NRAP: variants seen among roughly 807,000 people sequenced by gnomAD.
NRAP encodes the protein nebulin-related-anchoring protein.
In NRAP, 189 loss-of-function variants were observed where a neutral mutation model predicts 225.9. The observed-to-expected ratio is 0.84, with a 90% CI of 0.74 to 0.94. The LOEUF (loss-of-function observed/expected upper bound fraction) is 0.94, where lower values mean the gene tolerates loss of function less well. Among genes scored for constraint, NRAP ranks in the 40% least tolerant of loss-of-function variants. The pLI is 0.00. For missense variants in NRAP, 2,176 were observed against 2,168.7 expected (o/e 1.00, Z -0.07); for synonymous variants, 769 against 790.7 (o/e 0.97, Z 0.46).
At chr10:113,647,152 TC>T in intron 9 of NRAP, 125 bp from the exon 10 acceptor site, 1 of 686,174 alleles carries the variant, frequency 1.5e-6, no homozygotes. Flanking sequence ...TTCACTGATG[TC>T]CATGTGGTAG....
Position 113,644,154 on chromosome 10 carries a change from A to AAAAAAAAG in NRAP, c.1111-1117_1111-1116insCTTTTTTT, listed in dbSNP as rs1215915037. The stretch of plus-strand genomic sequence containing the variant: ...AAGAGTGAAACTCCCTCTCAAAAAA[A>AAAAAAAAG]AAAAAAAAAAAAAAAGGCCAAAATG... On this transcript the variant is annotated intron_variant, in intron 11 of 41. Coordinates refer to ENST00000359988, the MANE Select transcript of NRAP (RefSeq NM_198060.4). Among the ~76,000 whole-genome samples, 693 of 147,054 alleles carry AAAAAAAAG rather than the reference A, an allele frequency of 4.7e-3. 12 individuals carry two copies. The highest frequency in any genetic ancestry group is 0.015 in the Middle Eastern group (4 of 274).
intron 20 of NRAP, among the ~76,000 whole-genome samples, chr10:113,627,340 C>A (rs1831877382): frequency 6.6e-6 from 1 of 152,180 alleles, no homozygotes; most frequent in South Asian, 2.1e-4. Flanking sequence ...CTACTCCGTA[C>A]AGAGCACAGA....
At chr10:113,658,301 T>A (rs1850437019) in intron 3 of NRAP, among the ~76,000 whole-genome samples, 1 of 152,166 alleles carries the variant, frequency 6.6e-6, no homozygotes, top group South Asian at 2.1e-4. Flanking sequence ...TCCTTCAAAT[T>A]TGTTCTTCAA....
At chr10:113,632,222 G>C (rs1848619038) in intron 16 of NRAP, among the ~76,000 whole-genome samples, 1 of 152,200 alleles carries the variant, frequency 6.6e-6, no homozygotes, top group Non-Finnish European at 1.5e-5. Flanking sequence ...CTGATCATGT[G>C]ACCTTGGCCA....
chr10:113,645,851 G>A lies in NRAP; in HGVS notation c.1084C>T (p.Gln362Ter). The change falls in exon 11 of 42, where the codon CAG becomes TAG. Residue 362 changes from glutamine to a stop codon, truncating the protein, a stop_gained. Transcript: ENST00000359988. LOFTEE classifies it high-confidence loss of function. ...AQDNLVLKQAQSVNKLVSEVE... is the reference protein window; with the variant it reads ...AQDNLVLKQA ...TCACTCACGAGTTTGTTTACGCTCT[G>A]AGCCTGTTTGAGAACCAAGTTGTCT... 1 of 1,605,662 alleles carries A rather than the reference G, an allele frequency of 6.2e-7. No homozygotes were observed. The highest frequency in any genetic ancestry group is 8.5e-7 in the Non-Finnish European group (1 of 1,173,398).
At position 113,589,695 on chromosome 10, in the gene NRAP, C is replaced by G; in HGVS notation, c.5059G>C (p.Ala1687Pro). The G allele has an allele frequency of 6.2e-7, 1 of 1,614,082 alleles. No individual in the cohort carries two copies. The highest frequency in any genetic ancestry group is 8.5e-7 in the Non-Finnish European group (1 of 1,180,018). The change falls in exon 41 of 42, where the codon GCA becomes CCA. Residue 1687 changes from alanine to proline, a missense_variant. Physicochemically the swap from Ala to Pro is conservative, Grantham distance 27. Around this residue, in one of 3 missense-constraint regions of NRAP, gnomAD observed 445 missense variants for 426.1 expected, o/e 1.04. Transcript: ENST00000359988. ...GCTCCCTGGAGACCCAGGCCCCTTG[C>G]GTTGGCCAGTTCCGCAGCCCGCCGA... is the stretch of plus-strand genomic sequence containing the variant. ...MARRAAELAN[A>P]RGLGLQGAYR... is the part of the protein sequence containing the mutation.
At chr10:113,609,336 A>T (rs1847188419) in intron 31 of NRAP, among the ~76,000 whole-genome samples, 1 of 152,168 alleles carries the variant, frequency 6.6e-6, no homozygotes, top group African/African-American at 2.4e-5. Context: ...CTTGCTTTAG[A>T]GATTTCTCTG....
intron 30 of NRAP, among the ~76,000 whole-genome samples, chr10:113,611,016 G>A (rs748755632): frequency 2.6e-5 from 4 of 152,180 alleles, no homozygotes; most frequent in African/African-American, 7.2e-5. Context: ...AAAGAATCTG[G>A]CAAAGGCCTG....
chr10:113,589,022 C>T lies in NRAP; in HGVS notation c.5146G>A (p.Ala1716Thr), dbSNP rs762083634. Reference protein sequence around the residue: ...DHQSGEVNPDATEILHVKKKK... With the variant: ...DHQSGEVNPDTTEILHVKKKK... The stretch of plus-strand genomic sequence containing the variant: ...TTTTTGACGTGCAGAATCTCAGTGG[C>T]ATCTGGGTTCACCTCCCCACTCTGA... Residue 1716 changes from alanine to threonine, a missense_variant, in exon 42 of 42, where the codon GCC becomes ACC. Around this residue, in one of 3 missense-constraint regions of NRAP, gnomAD observed 445 missense variants for 426.1 expected, o/e 1.04. Coordinates refer to ENST00000359988, the MANE Select transcript of NRAP (RefSeq NM_198060.4). 8.7e-6 allele frequency: 14 copies of T among 1,613,956 alleles called. No individual in the cohort carries two copies. The highest frequency in any genetic ancestry group is 1.1e-5 in the Non-Finnish European group (13 of 1,180,018).
chr10:113,660,156 C>T (rs1384026209), intron 3 of NRAP, among the ~76,000 whole-genome samples: 1 of 151,698 alleles, frequency 6.6e-6, no homozygotes, highest in East Asian at 1.9e-4. Context: ...ACTATATACA[C>T]ATATATACAT....
chr10:113,589,782 C>T lies in NRAP; in HGVS notation c.4972G>A (p.Asp1658Asn), dbSNP rs776514915. 58 of 1,613,854 alleles carry T rather than the reference C, an allele frequency of 3.6e-5. No homozygotes were observed. Among genetic ancestry groups the T allele is most frequent in the Middle Eastern group, 1.6e-4 (1 of 6,084 alleles). ...CCAACACCTCTGGTCAGGTTCAAGT[C>T]TGATTTATACTTGACCTTGAGGGTA... ...QLQSDVKYKS[D>N]LNLTRGVGWT... Residue 1658 changes from aspartate (D) to asparagine (N), a missense_variant, in exon 41 of 42, where the codon GAC becomes AAC. By Grantham distance (23) the Asp-to-Asn change is conservative (BLOSUM62 1). Coordinates refer to ENST00000359988, the MANE Select transcript of NRAP (RefSeq NM_198060.4).
At chr10:113,646,617 C>T (rs1849526125) in intron 10 of NRAP, among the ~76,000 whole-genome samples, 1 of 152,218 alleles carries the variant, frequency 6.6e-6, no homozygotes, top group Non-Finnish European at 1.5e-5. Context: ...AGCTCTTCCC[C>T]TAAATTACTC....
intron 31 of NRAP, among the ~76,000 whole-genome samples, chr10:113,609,286 G>GT (rs1847185684): frequency 6.6e-6 from 1 of 152,220 alleles, no homozygotes; most frequent in Non-Finnish European, 1.5e-5. Flanking sequence ...ATTTCTTAAG[G>GT]TTTTTTAAGG....
rs527701818 is a variant in NRAP, at chr10:113,603,173, C to T, written c.4227+1436G>A. 3.3e-5 allele frequency among the ~76,000 whole-genome samples: 5 copies of T among 152,332 alleles called. No individual in the cohort carries two copies. In the South Asian group the frequency reaches 8.3e-4, roughly 25 times the overall value. ...TGCAACGCAGTCCCATTGTCATTAT[C>T]GTCATGTTCCATGCCATCGTTACCA... is the stretch of plus-strand genomic sequence containing the variant. On this transcript the variant is annotated intron_variant, in intron 35 of 41. Transcript: ENST00000359988.
chr10:113,644,157 A>AAAAAAAAAAAAAAAAAAAAAAAAC (rs1849367487), intron 11 of NRAP, among the ~76,000 whole-genome samples: 1 of 148,866 alleles, frequency 6.7e-6, no homozygotes, highest in African/African-American at 2.4e-5. Flanking sequence ...CAAAAAAAAA[A>AAAAAAAAAAAAAAAAAAAAAAAAC]AAAAAAAAAA....
At chr10:113,614,398 G>C (rs1206625118) in intron 28 of NRAP, 102 bp from the exon 29 acceptor site, 12 of 836,938 alleles carry the variant, frequency 1.4e-5, no homozygotes, top group Non-Finnish European at 1.8e-5. Flanking sequence ...TTTGACAGTA[G>C]CTGGGTGAGT....
chr10:113,634,913 C>G (rs943738030), intron 14 of NRAP, among the ~76,000 whole-genome samples: 2 of 152,130 alleles, frequency 1.3e-5, no homozygotes, highest in Admixed American at 6.5e-5. Flanking sequence ...GTAGGTGGCC[C>G]TAACATGTCC....
At chr10:113,618,509 C>A (rs1362275924) in intron 25 of NRAP, among the ~76,000 whole-genome samples, 1 of 152,248 alleles carries the variant, frequency 6.6e-6, no homozygotes, top group Admixed American at 6.5e-5. Flanking sequence ...CTAGTTGTGA[C>A]AGAGGCAATA....
At chr10:113,601,464 T>C (rs1846598231) in intron 35 of NRAP, among the ~76,000 whole-genome samples, 2 of 152,262 alleles carry the variant, frequency 1.3e-5, no homozygotes, top group Admixed American at 6.5e-5. Flanking sequence ...GGGACTCCTG[T>C]TCACAGCTTC....
Sources: gnomAD v4.1 joint callset for allele counts (sites outside exome capture counted in the v4.1 genomes callset) on GRCh38, gnomAD v4.1.1 for gene constraint, gnomAD v4.1.1 regional missense constraint, MANE v1.5 for transcripts, NCBI Gene and HGNC (gene_info 2026-07-23, HGNC 2026-07-21) for gene names.